TRAPPC9: variants seen among roughly 807,000 people sequenced by gnomAD.
TRAPPC9 encodes IKK2 binding protein.
A neutral mutation model predicts 124.0 loss-of-function variants in TRAPPC9; 83 were observed. The observed-to-expected ratio is 0.67, with a 90% CI of 0.56 to 0.80. The LOEUF (loss-of-function observed/expected upper bound fraction) is 0.80. Among genes scored for constraint, TRAPPC9 ranks in the 30% least tolerant of loss-of-function variants. The pLI is 0.00. For synonymous variants in TRAPPC9, 638 were observed against 617.5 expected (o/e 1.03, Z -0.49); for missense variants, 1,302 against 1,508.3 (o/e 0.86, Z 2.27).
chr8:140,457,072 G>A (rs949892150), intron 1 of TRAPPC9, among the ~76,000 whole-genome samples: 4 of 152,236 alleles, frequency 2.6e-5, no homozygotes, highest in Non-Finnish European at 4.4e-5. Flanking sequence ...CTAGATCGCA[G>A]GCACTTTGAA....
At chr8:139,828,344 A>G (rs923993507) in intron 21 of TRAPPC9, among the ~76,000 whole-genome samples, 2 of 152,330 alleles carry the variant, frequency 1.3e-5, no homozygotes, top group East Asian at 1.9e-4. Context: ...TCCTCCTAGC[A>G]TTCTCTTTTA....
chr8:140,401,925 CTCT>C (rs2069290766), intron 6 of TRAPPC9, among the ~76,000 whole-genome samples: 1 of 148,126 alleles, frequency 6.8e-6, no homozygotes, highest in African/African-American at 2.6e-5. Flanking sequence ...TGCACTCAAC[CTCT>C]TTTTTTTTTT....
At chr8:140,166,591 C>T (rs1255986170) in intron 17 of TRAPPC9, among the ~76,000 whole-genome samples, 1 of 152,182 alleles carries the variant, frequency 6.6e-6, no homozygotes, top group Non-Finnish European at 1.5e-5. Flanking sequence ...ATATTTTCCC[C>T]AGACATCTCA....
At chr8:140,190,741 T>C (rs761690997) in intron 17 of TRAPPC9, among the ~76,000 whole-genome samples, 2 of 152,236 alleles carry the variant, frequency 1.3e-5, no homozygotes, top group Non-Finnish European at 2.9e-5. Flanking sequence ...CTCTAGAAAG[T>C]TGCTATTTGA....
chr8:139,863,121 A>T (rs1176086829), intron 21 of TRAPPC9, among the ~76,000 whole-genome samples: 1 of 152,230 alleles, frequency 6.6e-6, no homozygotes, highest in East Asian at 1.9e-4. Flanking sequence ...AAAACACCAC[A>T]GGAATTGGCT....
chr8:140,215,225 C>T (rs76861166), intron 17 of TRAPPC9, among the ~76,000 whole-genome samples: 2,670 of 152,244 alleles, frequency 0.018, 69 homozygotes, highest in African/African-American at 0.06. Context: ...TTACCCAGGA[C>T]GCACCCACGC....
intron 19 of TRAPPC9, among the ~76,000 whole-genome samples, chr8:139,978,616 C>T (rs1836652462): frequency 2.6e-5 from 4 of 152,132 alleles, no homozygotes; most frequent in African/African-American, 7.2e-5. Context: ...GCGACAAGCA[C>T]GTGGGGTCAT....
At chr8:139,855,379 C>A (rs1043018493) in intron 21 of TRAPPC9, among the ~76,000 whole-genome samples, 4 of 152,200 alleles carry the variant, frequency 2.6e-5, no homozygotes, top group African/African-American at 7.2e-5. Flanking sequence ...CAGGCCCTAG[C>A]AGGCAGGGGT....
At chr8:140,033,954 T>C (rs1389612919) in intron 17 of TRAPPC9, among the ~76,000 whole-genome samples, 1 of 152,204 alleles carries the variant, frequency 6.6e-6, no homozygotes, top group African/African-American at 2.4e-5. Flanking sequence ...AGTGCTGGGA[T>C]TACAGGCATG....
chr8:139,798,036 A>G (rs1823224573), intron 21 of TRAPPC9, among the ~76,000 whole-genome samples: 1 of 152,226 alleles, frequency 6.6e-6, no homozygotes, highest in African/African-American at 2.4e-5. Flanking sequence ...CTTTCTACCA[A>G]GAAGCCAGCT....
chr8:140,037,190 G>A (rs138780303), intron 17 of TRAPPC9, among the ~76,000 whole-genome samples: 115 of 152,126 alleles, frequency 7.6e-4, no homozygotes, highest in African/African-American at 2.6e-3. Flanking sequence ...AGACCCCATC[G>A]TCATTTCCTG....
intron 21 of TRAPPC9, among the ~76,000 whole-genome samples, chr8:139,787,057 G>A (rs1211944699): frequency 6.6e-6 from 1 of 152,166 alleles, no homozygotes; most frequent in Non-Finnish European, 1.5e-5. Flanking sequence ...CAACAAAGCT[G>A]TTAAAAAAAT....
intron 17 of TRAPPC9, among the ~76,000 whole-genome samples, chr8:140,112,988 A>G (rs1436633429): frequency 6.6e-6 from 1 of 152,044 alleles, no homozygotes; most frequent in Non-Finnish European, 1.5e-5. Flanking sequence ...TACAGGCATG[A>G]GCCACTGCAG....
chr8:140,280,458 G>C (rs7003698), intron 14 of TRAPPC9, among the ~76,000 whole-genome samples: 3 of 151,720 alleles, frequency 2.0e-5, no homozygotes, highest in East Asian at 3.9e-4. Flanking sequence ...ACAAAGTCTC[G>C]CTCTTTGTCC....
intron 21 of TRAPPC9, among the ~76,000 whole-genome samples, chr8:139,794,124 G>A (rs1018310965): frequency 9.9e-5 from 15 of 151,524 alleles, no homozygotes; most frequent in Admixed American, 2.0e-4. Context: ...TCTGAGCGTC[G>A]CTGGGCAGAC....
At chr8:139,945,569 A>ACC (rs1834160536) in intron 19 of TRAPPC9, among the ~76,000 whole-genome samples, 4 of 122,462 alleles carry the variant, frequency 3.3e-5, no homozygotes. Flanking sequence ...AAAAAAAAAA[A>ACC]AAAACCAACA....
intron 21 of TRAPPC9, among the ~76,000 whole-genome samples, chr8:139,800,634 G>A (rs746756079): frequency 1.7e-4 from 26 of 152,154 alleles, no homozygotes; most frequent in Admixed American, 3.3e-4. Context: ...GTATGGAGAC[G>A]GGACTCCAAG....
chr8:139,806,144 G>T (rs188292061), intron 21 of TRAPPC9: 1 of 152,240 alleles, frequency 6.6e-6, no homozygotes. Flanking sequence ...ATCATCCCAC[G>T]CGGCAGCTGT....
chr8:139,759,502 G>A (rs1314301686), intron 21 of TRAPPC9, among the ~76,000 whole-genome samples: 1 of 152,170 alleles, frequency 6.6e-6, no homozygotes, highest in African/African-American at 2.4e-5. Context: ...TGCCAGGACT[G>A]CTGGGAATTC....
Sources: allele counts gnomAD v4.1 joint callset (sites outside exome capture counted in the v4.1 genomes callset), GRCh38; gene constraint gnomAD v4.1.1; transcripts MANE v1.5; gene names NCBI Gene and HGNC (gene_info 2026-07-23, HGNC 2026-07-21).